The following ABI2 variants were observed in gnomAD, a reference collection of about 807,000 sequenced individuals.
ABI2 encodes abelson interactor 2.
In ABI2, 25 loss-of-function variants were observed where a neutral mutation model predicts 59.2. The observed-to-expected ratio is 0.42, with a 90% confidence interval of 0.31 to 0.59. The LOEUF is 0.59. ABI2 is among the 20% of genes least tolerant of loss of function. The pLI, the probability that ABI2 is intolerant of heterozygous loss-of-function variation, is 0.14. For missense variants in ABI2, 545 were observed against 681.8 expected (o/e 0.80, Z 2.23); for synonymous variants, 213 against 235.5 (o/e 0.90, Z 0.87).
At chr2:203,342,009 A>T (rs201791040) in intron 1 of ABI2, among the ~76,000 whole-genome samples, 1 of 152,230 alleles carries the variant, frequency 6.6e-6, no homozygotes, top group East Asian at 1.9e-4. Context: ...TAGATGAGAC[A>T]ACTCAAGTTT....
intron 1 of ABI2, among the ~76,000 whole-genome samples, chr2:203,350,387 C>T (rs1241109792): frequency 5.3e-5 from 8 of 151,988 alleles, no homozygotes; most frequent in Non-Finnish European, 1.0e-4. Flanking sequence ...CAGTCTCTGT[C>T]GCCCAGGCTG....
intron 10 of ABI2, among the ~76,000 whole-genome samples, chr2:203,411,665 T>C (rs1451691466): frequency 6.6e-6 from 1 of 152,232 alleles, no homozygotes; most frequent in Non-Finnish European, 1.5e-5. Context: ...TCTGGGTTGC[T>C]CAGATAAGTG....
chr2:203,349,113 AT>A (rs918353957), intron 1 of ABI2, among the ~76,000 whole-genome samples: 66 of 138,024 alleles, frequency 4.8e-4, no homozygotes, highest in Non-Finnish European at 4.1e-4. Flanking sequence ...TTTTTTTTGT[AT>A]TTTTTTTTTT....
chr2:203,380,155 G>T (rs1033489407), intron 2 of ABI2, 53 bp from the exon 3 acceptor site: 2 of 1,137,552 alleles, frequency 1.8e-6, no homozygotes, highest in Admixed American at 5.6e-5. Flanking sequence ...TTTGATTTTT[G>T]TGGATATTAG....
At chr2:203,386,107 G>A (rs1433277225) in intron 4 of ABI2, among the ~76,000 whole-genome samples, 1 of 152,070 alleles carries the variant, frequency 6.6e-6, no homozygotes, top group Non-Finnish European at 1.5e-5. Flanking sequence ...CTGAAGAGAG[G>A]GATAGAGGTC....
At chr2:203,350,891 TGC>T (rs60998225) in intron 1 of ABI2, among the ~76,000 whole-genome samples, 65,968 of 123,436 alleles carry the variant, frequency 0.53, 15,639 homozygotes, top group Middle Eastern at 0.67. Flanking sequence ...TGTGTGTGTG[TGC>T]GCGCGCGCAT....
At chr2:203,345,682 T>C (rs1199956055) in intron 1 of ABI2, among the ~76,000 whole-genome samples, 1 of 151,780 alleles carries the variant, frequency 6.6e-6, no homozygotes, top group East Asian at 2.0e-4. Flanking sequence ...GAGCTGGGAT[T>C]ACAGGCCTGA....
chr2:203,373,668 GT>G (rs1233292811), intron 2 of ABI2, among the ~76,000 whole-genome samples: 1 of 152,168 alleles, frequency 6.6e-6, no homozygotes, highest in Non-Finnish European at 1.5e-5. Context: ...ACTTAAGAAA[GT>G]AGTGCTCTTC....
At chr2:203,352,792 A>G (rs1000814193) in intron 1 of ABI2, among the ~76,000 whole-genome samples, 1 of 152,230 alleles carries the variant, frequency 6.6e-6, no homozygotes, top group African/African-American at 2.4e-5. Context: ...AGGCCCTCCT[A>G]TTACCCAGAC....
chr2:203,422,430 G>C (rs2098259104), intron 11 of ABI2, among the ~76,000 whole-genome samples: 1 of 152,226 alleles, frequency 6.6e-6, no homozygotes, highest in Non-Finnish European at 1.5e-5. Context: ...TGATGATGGA[G>C]AGAAGTCGAG....
At chr2:203,328,877 T>G (rs1322418049) in intron 1 of ABI2, 1 of 305,448 alleles carries the variant, frequency 3.3e-6, no homozygotes, top group African/African-American at 2.2e-5. Flanking sequence ...GCGTCCCGCC[T>G]CCTCGCCGCT....
chr2:203,413,224 C>G (rs1242508589), intron 10 of ABI2, among the ~76,000 whole-genome samples: 1 of 152,020 alleles, frequency 6.6e-6, no homozygotes, highest in Admixed American at 6.5e-5. Context: ...TAATGAAACA[C>G]GAATGTTTGT....
chr2:203,354,642 G>A (rs143686059), intron 1 of ABI2, among the ~76,000 whole-genome samples: 1 of 152,278 alleles, frequency 6.6e-6, no homozygotes, highest in African/African-American at 2.4e-5. Context: ...AACAATAATA[G>A]CCAGCATATT....
intron 4 of ABI2, among the ~76,000 whole-genome samples, chr2:203,388,880 A>G (rs965017722): frequency 3.3e-5 from 5 of 152,168 alleles, no homozygotes; most frequent in African/African-American, 1.2e-4. Context: ...TAGCTATCCC[A>G]TGTATAGAAT....
At chr2:203,411,010 A>G (rs1325252768) in intron 9 of ABI2, among the ~76,000 whole-genome samples, 2 of 151,136 alleles carry the variant, frequency 1.3e-5, no homozygotes, top group African/African-American at 2.4e-5. Flanking sequence ...TATGTTTTAT[A>G]TATATAAAAC....
chr2:203,423,800 T>C (rs1352289218), intron 11 of ABI2, among the ~76,000 whole-genome samples: 1 of 152,202 alleles, frequency 6.6e-6, no homozygotes, highest in African/African-American at 2.4e-5. Context: ...CATATAAAAT[T>C]ATAGGATTAA....
At chr2:203,399,015 A>G (rs1265178412) in intron 8 of ABI2, among the ~76,000 whole-genome samples, 1 of 152,196 alleles carries the variant, frequency 6.6e-6, no homozygotes, top group Non-Finnish European at 1.5e-5. Flanking sequence ...ACATGTACAT[A>G]CAGGGTTTTT....
intron 2 of ABI2, chr2:203,375,967 T>A (rs1175538949): frequency 9.8e-6 from 10 of 1,018,316 alleles, no homozygotes; most frequent in Admixed American, 8.9e-5. Flanking sequence ...GGTAGTATGA[T>A]GGCAAGAATG....
chr2:203,380,472 T>G, intron 3 of ABI2, 88 bp downstream of exon 3: 1 of 854,668 alleles, frequency 1.2e-6, no homozygotes, highest in Non-Finnish European at 1.7e-6. Context: ...TCTGTCTTTC[T>G]TTCCTAGAGG....
Sources: gnomAD v4.1 joint callset for allele counts (sites outside exome capture counted in the v4.1 genomes callset) on GRCh38, gnomAD v4.1.1 for gene constraint, MANE v1.5 for transcripts, NCBI Gene and HGNC (gene_info 2026-07-23, HGNC 2026-07-21) for gene names.